The following RSRC1 variants were observed in gnomAD, a reference collection of about 807,000 sequenced individuals.
The protein encoded by RSRC1 is arginine and serine rich coiled-coil 1.
A neutral mutation model predicts 49.1 loss-of-function variants in RSRC1; 39 were observed. The observed-to-expected ratio is 0.79, with a 90% CI of 0.61 to 1.04. The LOEUF (loss-of-function observed/expected upper bound fraction) is 1.04, where lower values mean the gene tolerates loss of function less well. Among genes scored for constraint, RSRC1 ranks in the 50% least tolerant of loss-of-function variants. The pLI is 0.00. For synonymous variants in RSRC1, 143 were observed against 130.8 expected (o/e 1.09, Z -0.63); for missense variants, 388 against 402.4 (o/e 0.96, Z 0.31).
rs1314769968 is a variant in RSRC1, at chr3:158,160,831, C to T, written c.320+36840C>T. Among the ~76,000 whole-genome samples, 4 of 152,082 alleles carry T rather than the reference C, an allele frequency of 2.6e-5. No homozygotes were observed. In the East Asian group the frequency reaches 7.7e-4, roughly 29 times the overall value. ...GGAATTGTGGAATTATGTTATCATCCTAGGTTACTTTATTTGATTGTCAGC... is the reference window on the plus strand; with the variant it reads ...GGAATTGTGGAATTATGTTATCATCTTAGGTTACTTTATTTGATTGTCAGC... On this transcript the variant is annotated intron_variant, in intron 3 of 9. Transcript: ENST00000611884.
At chr3:158,537,465 A>T (rs992477970) in intron 8 of RSRC1, among the ~76,000 whole-genome samples, 1 of 151,640 alleles carries the variant, frequency 6.6e-6, no homozygotes, top group Non-Finnish European at 1.5e-5. Flanking sequence ...TGTCAACAAG[A>T]TAGTTCTATA....
At chr3:158,178,916 T>A (rs2108249151) in intron 3 of RSRC1, among the ~76,000 whole-genome samples, 1 of 152,300 alleles carries the variant, frequency 6.6e-6, no homozygotes, top group Non-Finnish European at 1.5e-5. Flanking sequence ...GCAAATGGGA[T>A]TTTGTCATTT....
intron 3 of RSRC1, among the ~76,000 whole-genome samples, chr3:158,169,413 C>T (rs773384388): frequency 2.6e-5 from 4 of 152,098 alleles, no homozygotes; most frequent in Non-Finnish European, 2.9e-5. Context: ...TCTTATTCTT[C>T]CCACCCTGGA....
intron 7 of RSRC1, among the ~76,000 whole-genome samples, chr3:158,501,591 C>T (rs1160077348): frequency 6.6e-6 from 1 of 151,986 alleles, no homozygotes; most frequent in Non-Finnish European, 1.5e-5. Flanking sequence ...GGCCTTTTGT[C>T]GTTATATAAT....
intron 6 of RSRC1, among the ~76,000 whole-genome samples, chr3:158,379,839 C>CT (rs1732606970): frequency 6.6e-6 from 1 of 151,756 alleles, no homozygotes; most frequent in African/African-American, 2.4e-5. Context: ...CACACACACC[C>CT]TCCCTCCCTC....
At chr3:158,353,075 C>G (rs1730963120) in intron 5 of RSRC1, among the ~76,000 whole-genome samples, 1 of 152,188 alleles carries the variant, frequency 6.6e-6, no homozygotes, top group Non-Finnish European at 1.5e-5. Flanking sequence ...TCTCCTCCTT[C>G]TCTAATAACC....
chr3:158,237,367 G>T (rs1723302492), intron 4 of RSRC1, among the ~76,000 whole-genome samples: 1 of 152,160 alleles, frequency 6.6e-6, no homozygotes, highest in African/African-American at 2.4e-5. Context: ...GCAGTGGAAT[G>T]GGTGGGTTTG....
At chr3:158,138,985 G>GGTCTAGAGTATTT (rs1299400556) in intron 3 of RSRC1, among the ~76,000 whole-genome samples, 1 of 152,022 alleles carries the variant, frequency 6.6e-6, no homozygotes, top group Non-Finnish European at 1.5e-5. Flanking sequence ...GGTGAGGAAG[G>GGTCTAGAGTATTT]GTCTAGAGTA....
chr3:158,294,550 A>C (rs1727126959), intron 4 of RSRC1, among the ~76,000 whole-genome samples: 1 of 151,762 alleles, frequency 6.6e-6, no homozygotes, highest in Non-Finnish European at 1.5e-5. Context: ...AACAGCATTT[A>C]GCTGCCTTGG....
chr3:158,353,243 C>A (rs1220776413), intron 5 of RSRC1, among the ~76,000 whole-genome samples: 1 of 152,196 alleles, frequency 6.6e-6, no homozygotes, highest in Non-Finnish European at 1.5e-5. Flanking sequence ...CCTTTCAATT[C>A]ATCCTCAAAA....
chr3:158,347,874 AT>A (rs915358235), intron 5 of RSRC1, among the ~76,000 whole-genome samples: 2 of 152,032 alleles, frequency 1.3e-5, no homozygotes, highest in African/African-American at 4.8e-5. Context: ...TTCTCTTTTT[AT>A]TTTTTTTAAA....
chr3:158,379,390 CG>C (rs1333301075), intron 6 of RSRC1, among the ~76,000 whole-genome samples: 2 of 151,496 alleles, frequency 1.3e-5, no homozygotes, highest in Non-Finnish European at 2.9e-5. Flanking sequence ...TTAGTAGAGA[CG>C]GGGTTTCACC....
At chr3:158,533,239 G>A (rs1308092406) in intron 7 of RSRC1, among the ~76,000 whole-genome samples, 4 of 151,676 alleles carry the variant, frequency 2.6e-5, no homozygotes, top group East Asian at 1.9e-4. Context: ...TTTAACATGC[G>A]TTTACAACCA....
At chr3:158,205,587 G>A (rs776723480) in intron 4 of RSRC1, among the ~76,000 whole-genome samples, 52 of 151,966 alleles carry the variant, frequency 3.4e-4, no homozygotes, top group Admixed American at 5.9e-4. Context: ...TAGTAAAGTC[G>A]GATGAATTTT....
chr3:158,537,077 T>C lies in RSRC1; in HGVS notation c.653-15T>C, dbSNP rs940599654. The C allele has an allele frequency of 3.2e-6, 5 of 1,557,406 alleles. No homozygotes were observed. In the African/African-American group the frequency reaches 6.8e-5, roughly 21 times the overall value. On this transcript the variant is annotated splice_polypyrimidine_tract_variant and intron_variant, in intron 7 of 9. Transcript: ENST00000611884. Reference sequence around the variant, plus strand: ...CTTACACCAAAATACGCTGACATTATACCCTCTTTTTCAGACCAAGCCACC... The same window carrying C: ...CTTACACCAAAATACGCTGACATTACACCCTCTTTTTCAGACCAAGCCACC...
chr3:158,455,555 A>G (rs920971062), intron 6 of RSRC1, among the ~76,000 whole-genome samples: 1 of 152,182 alleles, frequency 6.6e-6, no homozygotes, highest in African/African-American at 2.4e-5. Context: ...CTGGTGATAT[A>G]CTACCAGTGA....
chr3:158,382,674 G>A (rs890391747), intron 6 of RSRC1, among the ~76,000 whole-genome samples: 2 of 152,130 alleles, frequency 1.3e-5, no homozygotes, highest in African/African-American at 4.8e-5. Context: ...GTCTGAGAGA[G>A]CCAGTTTGAA....
At position 158,161,095 on chromosome 3, in the gene RSRC1, T is replaced by C. The variant is rs551507704; in HGVS notation, c.320+37104T>C. 9.2e-5 allele frequency among the ~76,000 whole-genome samples: 14 copies of C among 152,330 alleles called. No homozygotes were observed. The South Asian group carries it at 2.9e-3, about 32-fold the overall frequency. On this transcript the variant is annotated intron_variant, in intron 3 of 9. Coordinates refer to ENST00000611884, the MANE Select transcript of RSRC1 (RefSeq NM_001271838.2). ...CCAGAGCCTGAATACCCTCTAGTGC[T>C]AATGTCTTTATATTAGTCAGCTATT... is the stretch of plus-strand genomic sequence containing the variant.
chr3:158,149,441 A>G (rs1156440524), intron 3 of RSRC1, among the ~76,000 whole-genome samples: 1 of 152,178 alleles, frequency 6.6e-6, no homozygotes, highest in Non-Finnish European at 1.5e-5. Flanking sequence ...ACGCGTGACT[A>G]GGCTATATCT....
Sources: allele counts gnomAD v4.1 joint callset (sites outside exome capture counted in the v4.1 genomes callset), GRCh38; gene constraint gnomAD v4.1.1; transcripts MANE v1.5; gene names NCBI Gene and HGNC (gene_info 2026-07-23, HGNC 2026-07-21).